Variants in RAMP3 observed in about 807,000 individuals in gnomAD.
RAMP3 encodes the protein receptor activity-modifying protein 3.
In RAMP3, 14 loss-of-function variants were observed where a neutral mutation model predicts 13.5. The ratio of observed to expected loss-of-function variants is 1.04; its 90% CI spans 0.69 to 1.63. RAMP3 has a LOEUF of 1.63. RAMP3 is among the 40% of genes most tolerant of loss of function. RAMP3 has a pLI of 0.00. For missense variants in RAMP3, 200 were observed against 204.8 expected (o/e 0.98, Z 0.14); for synonymous variants, 106 against 88.3 (o/e 1.20, Z -1.12).
chr7:45,165,219 T>C (rs1370847970), intron 1 of RAMP3, among the ~76,000 whole-genome samples: 1 of 152,232 alleles, frequency 6.6e-6, no homozygotes, highest in Non-Finnish European at 1.5e-5. Flanking sequence ...CACTGATTCA[T>C]GGATAGCCTA....
chr7:45,160,651 A>G (rs144608411), intron 1 of RAMP3, among the ~76,000 whole-genome samples: 2 of 152,114 alleles, frequency 1.3e-5, no homozygotes, highest in East Asian at 3.9e-4. Context: ...TTCATTTCCA[A>G]ATGACTAGCC....
At chr7:45,176,071 T>C (rs905277248) in intron 1 of RAMP3, among the ~76,000 whole-genome samples, 6 of 152,138 alleles carry the variant, frequency 3.9e-5, no homozygotes, top group African/African-American at 1.2e-4. Context: ...ATTGAGGGAA[T>C]GAATGAATGA....
intron 1 of RAMP3, among the ~76,000 whole-genome samples, chr7:45,164,821 T>C (rs61292633): frequency 0.01 from 1,555 of 152,322 alleles, 28 homozygotes; most frequent in African/African-American, 0.036. Flanking sequence ...TCCCACTCTT[T>C]TATTTTGAAC....
intron 2 of RAMP3, among the ~76,000 whole-genome samples, chr7:45,178,736 G>C (rs771436622): frequency 6.6e-6 from 1 of 152,236 alleles, no homozygotes; most frequent in African/African-American, 2.4e-5. Context: ...TCATAGCTTC[G>C]TAGCTTCTGG....
rs111533939 is a variant in RAMP3, at chr7:45,174,098, G to A, written c.59-3211G>A. On this transcript the variant is annotated intron_variant, in intron 1 of 2. Transcript: ENST00000242249. ...GAGAGCAGACAGGATGGGGAGCACC[G>A]TGCTTTGGCTGGAGGAGTGAGCCAG... Among the ~76,000 whole-genome samples the A allele has an allele frequency of 1.9e-3, 293 of 152,272 alleles. 2 individuals carry two copies. The highest frequency in any genetic ancestry group is 6.6e-3 in the African/African-American group (275 of 41,552).
intron 1 of RAMP3, among the ~76,000 whole-genome samples, chr7:45,169,040 G>GT (rs1206241361): frequency 6.6e-6 from 1 of 152,092 alleles, no homozygotes; most frequent in Non-Finnish European, 1.5e-5. Context: ...TGATCGTGTG[G>GT]TTCCCCCCTT....
intron 1 of RAMP3, among the ~76,000 whole-genome samples, chr7:45,158,610 G>A (rs1253547327): frequency 6.6e-6 from 1 of 152,224 alleles, no homozygotes; most frequent in Non-Finnish European, 1.5e-5. Flanking sequence ...GGCTGTTGGG[G>A]AAGAGTGCTT....
rs141366237 is a variant in RAMP3, at chr7:45,174,475, C to T, written c.59-2834C>T. 1.1e-3 allele frequency among the ~76,000 whole-genome samples: 171 copies of T among 152,290 alleles called. 1 individual carries two copies. Among genetic ancestry groups the T allele is most frequent in the Non-Finnish European group, 2.0e-3 (134 of 68,010 alleles). ...GCCATGTTGCTTTGGGCACCTGGAC[C>T]CATCTTGCTCCACGCTCCTTCTGCT... On this transcript the variant is annotated intron_variant, in intron 1 of 2. Transcript: ENST00000242249.
intron 1 of RAMP3, among the ~76,000 whole-genome samples, chr7:45,167,958 C>T (rs1422195533): frequency 1.3e-5 from 2 of 152,126 alleles, no homozygotes; most frequent in Non-Finnish European, 2.9e-5. Flanking sequence ...TTAGGATCAG[C>T]TCATCAATTA....
intron 1 of RAMP3, among the ~76,000 whole-genome samples, chr7:45,169,493 T>C (rs11767276): frequency 0.25 from 38,287 of 151,666 alleles, 5,723 homozygotes; most frequent in African/African-American, 0.41. Context: ...TTGAACCAAT[T>C]TCAGTAGTTT....
At chr7:45,172,635 C>G (rs1786105076) in intron 1 of RAMP3, among the ~76,000 whole-genome samples, 1 of 152,162 alleles carries the variant, frequency 6.6e-6, no homozygotes, top group African/African-American at 2.4e-5. Flanking sequence ...GCCTCCTTGT[C>G]TGGCTAATTT....
chr7:45,179,737 C>T (rs1031438919), intron 2 of RAMP3, among the ~76,000 whole-genome samples: 2 of 152,110 alleles, frequency 1.3e-5, no homozygotes, highest in Admixed American at 6.5e-5. Context: ...GGATAAAGGG[C>T]CCTTGCCAGG....
chr7:45,176,961 G>A (rs1786199825), intron 1 of RAMP3, among the ~76,000 whole-genome samples: 2 of 152,232 alleles, frequency 1.3e-5, no homozygotes, highest in Admixed American at 6.5e-5. Context: ...TCCTAAGCTG[G>A]AACTGGAGCC....
chr7:45,183,563 C>A lies in RAMP3; in HGVS notation c.*151C>A, dbSNP rs1355154938. On this transcript the variant is annotated 3_prime_UTR_variant, in exon 3 of 3. Transcript: ENST00000242249. ...ACCCCTCCCTTCCTGGGCTGACCTGCTCCCTCGAGGCCAGCCTGCTCCCTG... is the reference window on the plus strand; with the variant it reads ...ACCCCTCCCTTCCTGGGCTGACCTGATCCCTCGAGGCCAGCCTGCTCCCTG... 1.7e-6 allele frequency: 2 copies of A among 1,163,904 alleles called. No individual in the cohort carries two copies. Among genetic ancestry groups the A allele is most frequent in the Non-Finnish European group, 2.4e-6 (2 of 823,452 alleles). The allele number at this position is 1,163,904 out of a possible 1,614,324, so 72.1% of individuals were successfully genotyped here.
intron 1 of RAMP3, among the ~76,000 whole-genome samples, chr7:45,171,968 G>A (rs899878285): frequency 6.6e-6 from 1 of 152,224 alleles, no homozygotes; most frequent in Non-Finnish European, 1.5e-5. Context: ...TGCTCCACAA[G>A]CAGGCACCCA....
chr7:45,163,955 G>C, intron 1 of RAMP3: 1 of 917,782 alleles, frequency 1.1e-6, no homozygotes, highest in Non-Finnish European at 1.3e-6. Context: ...GGGCCTATTT[G>C]GGTTAAGTGG....
At chr7:45,171,376 G>A (rs6956915) in intron 1 of RAMP3, among the ~76,000 whole-genome samples, 39,850 of 151,836 alleles carry the variant, frequency 0.26, 6,341 homozygotes, top group African/African-American at 0.44. Context: ...GGTTGGTCTC[G>A]AACTCTGGAT....
chr7:45,182,819 C>T (rs1348524578), intron 2 of RAMP3, among the ~76,000 whole-genome samples: 1 of 152,132 alleles, frequency 6.6e-6, no homozygotes, highest in East Asian at 1.9e-4. Context: ...CACCCTTTGG[C>T]CCTGGAGAAG....
Position 45,184,064 on chromosome 7 carries a change from C to A in RAMP3, c.*652C>A. Reference sequence around the variant, plus strand: ...GCCCGCTATGGGCTGTGTCCATGACCAGAGGCTGGAGTGGGGGTGTGTTAG... The same window carrying A: ...GCCCGCTATGGGCTGTGTCCATGACAAGAGGCTGGAGTGGGGGTGTGTTAG... On this transcript the variant is annotated 3_prime_UTR_variant, in exon 3 of 3. Transcript: ENST00000242249. 2.5e-6 allele frequency: 1 copy of A among 401,454 alleles called. No individual in the cohort carries two copies. Among genetic ancestry groups the A allele is most frequent in the Non-Finnish European group, 4.4e-6 (1 of 227,902 alleles). 24.9% of individuals were successfully genotyped at this position (401,454 alleles called of 1,614,324 possible).
Sources: allele counts gnomAD v4.1 joint callset (sites outside exome capture counted in the v4.1 genomes callset), GRCh38; gene constraint gnomAD v4.1.1; transcripts MANE v1.5; gene names NCBI Gene and HGNC (gene_info 2026-07-23, HGNC 2026-07-21).